ABR: variants seen among roughly 807,000 people sequenced by gnomAD.
ABR encodes the protein active breakpoint cluster region-related protein.
ABR carries 35 observed loss-of-function variants against 107.2 expected under a neutral mutation model. The observed-to-expected ratio is 0.33, with a 90% CI of 0.25 to 0.43. The LOEUF is 0.43. Ranked by LOEUF, ABR falls within the 20% of genes least tolerant of loss-of-function variation. The pLI is 1.00. For synonymous variants in ABR, 498 were observed against 462.0 expected, an observed-to-expected ratio of 1.08 and a Z score of -1.00; for missense variants, 815 against 1,115.2, an observed-to-expected ratio of 0.73 and a Z score of 3.83.
At chr17:1,184,316 A>G (rs1239627818), upstream of ABR, among the ~76,000 whole-genome samples, 1 of 152,006 alleles carries the variant, frequency 6.6e-6, no homozygotes, top group Non-Finnish European at 1.5e-5. Context: ...TTAGCTGGGC[A>G]TGGTGGCGGG....
rs142704582 is a variant in ABR, at chr17:1,149,906, G to A, written c.62-24539C>T. 6.9e-3 allele frequency among the ~76,000 whole-genome samples: 1,048 copies of A among 152,302 alleles called. 10 individuals carry two copies. Among genetic ancestry groups the A allele is most frequent in the South Asian group, 0.023 (113 of 4,828 alleles). On this transcript the variant is annotated intron_variant, in intron 1 of 22. Coordinates refer to ENST00000302538, the MANE Select transcript of ABR (RefSeq NM_021962.5). Reference sequence around the variant, plus strand: ...TCTCTGTGCTTTAGTGTCCTCATTTGTCAAATGAAGATAATAACATAACAA... The same window carrying A: ...TCTCTGTGCTTTAGTGTCCTCATTTATCAAATGAAGATAATAACATAACAA...
At chr17:1,222,651 T>G (rs987453846) in intron 1 of ABR, among the ~76,000 whole-genome samples, 1 of 152,162 alleles carries the variant, frequency 6.6e-6, no homozygotes, top group African/African-American at 2.4e-5. Context: ...GTGGCTCATA[T>G]CTGTAATCTC....
At position 1,066,543 on chromosome 17, in the gene ABR, G is replaced by T. The variant is rs7215291; in HGVS notation, c.1182+534C>A. Among the ~76,000 whole-genome samples the T allele has an allele frequency of 7.0e-3, 993 of 141,638 alleles. 12 individuals are homozygous for T. Among genetic ancestry groups the T allele is most frequent in the African/African-American group, 0.021 (811 of 38,282 alleles). 92.9% of individuals were successfully genotyped at this position (141,638 alleles called of 152,430 possible). A position where few individuals can be genotyped will look rare whatever the true frequency, so the allele number is the denominator to read the frequency against. On this transcript the variant is annotated intron_variant, in intron 10 of 22. Coordinates refer to ENST00000302538, the MANE Select transcript of ABR (RefSeq NM_021962.5). ...CCCTCTACCTCCACTTTTTTTTTTT[G>T]TTTTTGACAGAATCTCACTCTATTG... is the stretch of plus-strand genomic sequence containing the variant.
rs2042023891 is a variant in ABR at position 1,179,099 on chromosome 17, C to T, written c.61+568G>A. Among the ~76,000 whole-genome samples, 1 of 151,812 alleles carries T rather than the reference C, an allele frequency of 6.6e-6. No homozygotes were observed. The highest frequency in any genetic ancestry group is 2.4e-5 in the African/African-American group (1 of 41,304). On this transcript the variant is annotated intron_variant, in intron 1 of 22. Transcript: ENST00000302538. The surrounding 1 kb of genome is among the most constrained non-coding windows in gnomAD (Gnocchi z 4.9). ...TGCTGAGCCCGGGATTTTCAGCTCCCGCATCCAAACGGCCCCCGCGGATAT... is the reference window on the plus strand; with the variant it reads ...TGCTGAGCCCGGGATTTTCAGCTCCTGCATCCAAACGGCCCCCGCGGATAT...
At chr17:1,203,629 G>T (rs909368907) in intron 1 of ABR, among the ~76,000 whole-genome samples, 1 of 152,120 alleles carries the variant, frequency 6.6e-6, no homozygotes, top group Non-Finnish European at 1.5e-5. Flanking sequence ...CCGCCGCTGC[G>T]AGGAGCCCGG....
At chr17:1,100,931 C>T (rs576572900) in intron 2 of ABR, 196 bp from the exon 3 acceptor site, 3 of 595,446 alleles carry the variant, frequency 5.0e-6, no homozygotes, top group Admixed American at 2.9e-5. Context: ...TCCAGTGATT[C>T]CCCTGCCTCA....
intron 1 of ABR, among the ~76,000 whole-genome samples, chr17:1,139,950 G>C (rs2040227215): frequency 6.6e-6 from 1 of 152,190 alleles, no homozygotes; most frequent in Non-Finnish European, 1.5e-5. Flanking sequence ...CTGATGAACA[G>C]ACTGGTACCA....
chr17:1,159,842 G>A (rs2151563670), intron 1 of ABR, among the ~76,000 whole-genome samples: 1 of 152,374 alleles, frequency 6.6e-6, no homozygotes, highest in Non-Finnish European at 1.5e-5. Context: ...CACGTCCTTG[G>A]TCGTGGGTCC....
At chr17:1,176,552 G>A (rs1441674541) in intron 1 of ABR, among the ~76,000 whole-genome samples, 1 of 152,128 alleles carries the variant, frequency 6.6e-6, no homozygotes, top group Non-Finnish European at 1.5e-5. Context: ...TGGATAGAAA[G>A]TGCCTAGCAC....
intron 1 of ABR, 78 bp from the exon 2 acceptor site, chr17:1,125,445 C>G: frequency 1.3e-6 from 2 of 1,546,748 alleles, no homozygotes; most frequent in Non-Finnish European, 1.8e-6. Flanking sequence ...TGGGCGCCGG[C>G]GGCGGCCCCC....
intron 2 of ABR, among the ~76,000 whole-genome samples, chr17:1,120,820 G>A (rs2039312266): frequency 1.3e-5 from 2 of 152,152 alleles, no homozygotes; most frequent in Middle Eastern, 3.2e-3. Flanking sequence ...ACACCCCTCA[G>A]GCCACACAGT....
chr17:1,151,298 C>T (rs377471155), intron 1 of ABR, among the ~76,000 whole-genome samples: 11 of 152,172 alleles, frequency 7.2e-5, no homozygotes, highest in South Asian at 6.2e-4. Context: ...TCTGGCTCTA[C>T]GTCTTATTTC....
chr17:1,218,371 G>A lies in ABR; in HGVS notation c.838+10422C>T, dbSNP rs149953268. On this transcript the variant is annotated intron_variant, in intron 1 of 22. Transcript: ENST00000574139. ...GTCCCAGCTCATTTAACTTACTGGC[G>A]TCCATAAAATTTAGGTCTGTCGGGA... Among the ~76,000 whole-genome samples the A allele has an allele frequency of 3.9e-3, 587 of 152,230 alleles. 4 individuals carry two copies. Among genetic ancestry groups the A allele is most frequent in the African/African-American group, 0.013 (543 of 41,532 alleles).
At chr17:1,059,724 C>CCT in intron 10 of ABR, among the ~76,000 whole-genome samples, 1 of 152,348 alleles carries the variant, frequency 6.6e-6, no homozygotes, top group East Asian at 1.9e-4. Context: ...TTATTAACCA[C>CCT]CATTATGCTT....
intron 2 of ABR, among the ~76,000 whole-genome samples, chr17:1,124,455 AC>A (rs1236666666): frequency 6.6e-6 from 1 of 151,628 alleles, no homozygotes; most frequent in African/African-American, 2.4e-5. Flanking sequence ...CAGGCAAACA[AC>A]CCCCAGAACC....
chr17:1,079,219 G>A (rs1039385577), intron 6 of ABR, 111 bp downstream of exon 6: 32 of 1,502,340 alleles, frequency 2.1e-5, no homozygotes, highest in East Asian at 5.5e-5. Context: ...ACGCTCACAC[G>A]CGCTCACACA....
chr17:1,104,938 A>G (rs1287443507), intron 2 of ABR, among the ~76,000 whole-genome samples: 1 of 151,900 alleles, frequency 6.6e-6, no homozygotes, highest in Non-Finnish European at 1.5e-5. Flanking sequence ...CCACCCTTAA[A>G]ATTTTGCCAT....
rs1165221122 is a variant in ABR at position 1,076,731 on chromosome 17, G to GA, written c.700+2598_700+2599insT. Among the ~76,000 whole-genome samples, 2 of 135,822 alleles carry GA rather than the reference G, an allele frequency of 1.5e-5. 1 individual carries two copies. Among genetic ancestry groups the GA allele is most frequent in the South Asian group, 5.2e-4 (2 of 3,826 alleles). The allele number at this position is 135,822 out of a possible 152,430, so 89.1% of individuals were successfully genotyped here. A position where few individuals can be genotyped will look rare whatever the true frequency, so the allele number is the denominator to read the frequency against. On this transcript the variant is annotated intron_variant, in intron 6 of 22. Coordinates refer to ENST00000302538, the MANE Select transcript of ABR (RefSeq NM_021962.5). ...CAGGTGCACGGGGGGGGTGGGGGTGGGGGGGGTGGCGGCACTGGGACCACA... is the reference window on the plus strand; with the variant it reads ...CAGGTGCACGGGGGGGGTGGGGGTGGAGGGGGGTGGCGGCACTGGGACCACA...
In ABR at chr17:1,070,510, T is replaced by C. The variant is rs1401960753; in HGVS notation, c.895-420A>G. On this transcript the variant is annotated intron_variant, in intron 8 of 22. Transcript: ENST00000302538. This position sits in a 1 kb window ranked among gnomAD's most constrained non-coding sequence, Gnocchi z 4.2. ...GTTTCTCCACCCTGGGGCACGAACA[T>C]CCCCGTTTGCAATCCCTCCCGACCG... 6.6e-6 allele frequency among the ~76,000 whole-genome samples: 1 copy of C among 151,998 alleles called. No homozygotes were observed. The highest frequency in any genetic ancestry group is 1.5e-5 in the Non-Finnish European group (1 of 67,990).
Sources: allele counts gnomAD v4.1 joint callset (sites outside exome capture counted in the v4.1 genomes callset), GRCh38; gene constraint gnomAD v4.1.1; non-coding constraint Gnocchi (gnomAD v3.1); transcripts MANE v1.5; gene names NCBI Gene and HGNC (gene_info 2026-07-23, HGNC 2026-07-21).